DNAH8: variants seen among roughly 807,000 people sequenced by gnomAD.
The protein encoded by DNAH8 is axonemal beta dynein heavy chain 8.
DNAH8 carries 382 observed loss-of-function variants against 562.1 expected under a neutral mutation model. That is an observed-to-expected ratio of 0.68 (90% confidence interval 0.63 to 0.74). The LOEUF (loss-of-function observed/expected upper bound fraction) is 0.74, where lower values mean the gene tolerates loss of function less well. Among genes scored for constraint, DNAH8 ranks in the 30% least tolerant of loss-of-function variants. The pLI is 0.00. For synonymous variants in DNAH8, 1,881 were observed against 1,919.4 expected (o/e 0.98, Z 0.52); for missense variants, 5,203 against 5,620.4 (o/e 0.93, Z 2.37).
In DNAH8 at chr6:38,926,227, G is replaced by T. The variant is rs1474892731; in HGVS notation, c.11118+17G>T. On this transcript the variant is annotated intron_variant, in intron 74 of 92. Transcript: ENST00000327475. ...GATTTACAGGTATGTAGCATTTGGT[G>T]CAGGGGAAAGTAATCTTGAAATCAT... is the stretch of plus-strand genomic sequence containing the variant. 1 of 1,608,522 alleles carries T rather than the reference G, an allele frequency of 6.2e-7. No individual in the cohort carries two copies. The highest frequency in any genetic ancestry group is 2.2e-5 in the East Asian group (1 of 44,730).
At chr6:38,750,330 A>G in intron 8 of DNAH8, 146 bp from the exon 9 acceptor site, 1 of 466,546 alleles carries the variant, frequency 2.1e-6, no homozygotes, top group Non-Finnish European at 3.7e-6. Flanking sequence ...TGTCTCAAGT[A>G]TTATAAGAAA....
At chr6:38,926,573 C>T (rs138097725) in intron 74 of DNAH8, among the ~76,000 whole-genome samples, 4 of 152,190 alleles carry the variant, frequency 2.6e-5, no homozygotes, top group Non-Finnish European at 5.9e-5. Context: ...CTTGGTACTA[C>T]GTAGCTTACT....
chr6:39,021,429 T>G (rs868274467), intron 91 of DNAH8, among the ~76,000 whole-genome samples: 4 of 152,218 alleles, frequency 2.6e-5, no homozygotes, highest in Admixed American at 2.0e-4. Context: ...CCAGAGATTC[T>G]GATTGTATTT....
chr6:38,942,746 C>A (rs1054408535), intron 79 of DNAH8, among the ~76,000 whole-genome samples: 1 of 152,160 alleles, frequency 6.6e-6, no homozygotes, highest in African/African-American at 2.4e-5. Flanking sequence ...AGGGACCTAG[C>A]CTGCACCTGA....
rs375892278 is a variant in DNAH8, at chr6:38,781,194, TA to T, written c.2140-59del. ...AAAACAATACAAATATAGCTGTATATATTTTTTGCCTTCTCCCTTGTATTGA... is the reference window on the plus strand; with the variant it reads ...AAAACAATACAAATATAGCTGTATATTTTTTTGCCTTCTCCCTTGTATTGA... On this transcript the variant is annotated intron_variant, in intron 15 of 92. Coordinates refer to ENST00000327475, the MANE Select transcript of DNAH8 (RefSeq NM_001206927.2). 3.6e-4 allele frequency: 558 copies of T among 1,569,866 alleles called. 2 individuals carry two copies. The African/African-American group carries it at 7.0e-3, about 20-fold the overall frequency.
At chr6:38,911,272 C>A (rs990103642) in intron 65 of DNAH8, among the ~76,000 whole-genome samples, 196 bp from the exon 66 acceptor site, 1 of 152,182 alleles carries the variant, frequency 6.6e-6, no homozygotes, top group Non-Finnish European at 1.5e-5. Context: ...AGGGTGAAGT[C>A]AAAGACCCCT....
chr6:38,952,731 C>G (rs914470961), intron 82 of DNAH8, among the ~76,000 whole-genome samples: 1 of 152,150 alleles, frequency 6.6e-6, no homozygotes, highest in Non-Finnish European at 1.5e-5. Context: ...CCACACTGTT[C>G]TATATTCTCA....
chr6:39,012,770 G>A (rs1766308390), intron 91 of DNAH8, 133 bp downstream of exon 91: 1 of 651,124 alleles, frequency 1.5e-6, no homozygotes, highest in Non-Finnish European at 2.7e-6. Context: ...GCCATTCAAA[G>A]GCGAAAGAAC....
chr6:38,886,842 T>C lies in DNAH8; in HGVS notation c.8311T>C (p.Leu2771=), dbSNP rs1344469295. ...GATGGAAATGGAAGGAATGTACAGC[T>C]TGGACAAGCCTGGAGACTTCACTAC... ...QMMEMEGMYS[L]DKPGDFTTIV... Residue 2771 remains leucine, a synonymous_variant, in exon 57 of 93, where the codon TTG becomes CTG. Coordinates refer to ENST00000327475, the MANE Select transcript of DNAH8 (RefSeq NM_001206927.2). The C allele has an allele frequency of 6.2e-7, 1 of 1,614,116 alleles. No individual in the cohort carries two copies. Among genetic ancestry groups the C allele is most frequent in the Non-Finnish European group, 8.5e-7 (1 of 1,179,976 alleles).
intron 45 of DNAH8, among the ~76,000 whole-genome samples, chr6:38,866,153 A>G (rs1235550487): frequency 1.3e-5 from 2 of 152,304 alleles, no homozygotes; most frequent in Non-Finnish European, 2.9e-5. Flanking sequence ...GGCTGCAAAG[A>G]ATAATTGAAG....
intron 9 of DNAH8, among the ~76,000 whole-genome samples, chr6:38,754,467 A>G (rs890238265): frequency 3.3e-5 from 5 of 152,184 alleles, no homozygotes; most frequent in Non-Finnish European, 7.4e-5. Flanking sequence ...CATAAAACTG[A>G]TTTAATTATT....
At chr6:38,813,989 G>A (rs984949896) in intron 24 of DNAH8, 65 bp from the exon 25 acceptor site, 5 of 1,140,566 alleles carry the variant, frequency 4.4e-6, no homozygotes, top group South Asian at 3.9e-5. Flanking sequence ...GAATTTTGTA[G>A]CATAATAAAC....
intron 7 of DNAH8, among the ~76,000 whole-genome samples, chr6:38,741,490 G>A (rs1764517632): frequency 6.6e-6 from 1 of 150,482 alleles, no homozygotes; most frequent in Admixed American, 6.6e-5. Flanking sequence ...ATAAATAAGA[G>A]AAACTGTCAC....
intron 61 of DNAH8, among the ~76,000 whole-genome samples, chr6:38,898,630 A>T (rs759426124): frequency 3.1e-4 from 47 of 152,198 alleles, no homozygotes; most frequent in Non-Finnish European, 4.7e-4. Context: ...CTTTTGGCAC[A>T]CTGAGTCAAC....
intron 35 of DNAH8, among the ~76,000 whole-genome samples, 193 bp downstream of exon 35, chr6:38,843,096 A>G (rs1318732853): frequency 6.6e-6 from 1 of 152,198 alleles, no homozygotes; most frequent in Non-Finnish European, 1.5e-5. Context: ...TTATATGATT[A>G]TTTGAAATAC....
intron 3 of DNAH8, among the ~76,000 whole-genome samples, chr6:38,725,553 A>C (rs1218053076): frequency 1.3e-5 from 2 of 152,082 alleles, no homozygotes; most frequent in Non-Finnish European, 2.9e-5. Context: ...TATTATAATG[A>C]CAAAGTATAG....
At position 38,814,059 on chromosome 6, in the gene DNAH8, A is replaced by T. The variant is rs776181724; in HGVS notation, c.3263A>T (p.Tyr1088Phe). 1 of 1,589,352 alleles carries T rather than the reference A, an allele frequency of 6.3e-7. No individual in the cohort carries two copies. Among genetic ancestry groups the T allele is most frequent in the Non-Finnish European group, 8.6e-7 (1 of 1,160,054 alleles). ...AAATGTCCATCTCATTGCAGCCTTT[A>T]TGGGCGAAAGCAGTCAGAAGATATT... ...MKRRIFVASL[Y>F]GRKQSEDIIS... is the part of the protein sequence containing the mutation. The change falls in exon 25 of 93, where the codon TAT (tyrosine) becomes TTT (phenylalanine). Residue 1088 changes from tyrosine to phenylalanine, a missense_variant. Tyr to Phe is a conservative substitution (Grantham distance 22). Transcript: ENST00000327475.
intron 18 of DNAH8, among the ~76,000 whole-genome samples, chr6:38,787,385 C>T (rs114515820): frequency 0.01 from 1,557 of 151,982 alleles, 29 homozygotes; most frequent in African/African-American, 0.036. Flanking sequence ...TTCACTAGTG[C>T]GGCAAAGTAA....
At chr6:38,894,672 C>A in intron 58 of DNAH8, 29 bp from the exon 59 acceptor site, 4 of 1,581,082 alleles carry the variant, frequency 2.5e-6, no homozygotes, top group Non-Finnish European at 3.5e-6. Context: ...TGAAAACTAA[C>A]TGAGAGTATT....
Sources: allele counts gnomAD v4.1 joint callset (sites outside exome capture counted in the v4.1 genomes callset), GRCh38; gene constraint gnomAD v4.1.1; transcripts MANE v1.5; gene names NCBI Gene and HGNC (gene_info 2026-07-23, HGNC 2026-07-21).